Variants in PTPN9 observed in about 807,000 individuals in gnomAD.
The protein encoded by PTPN9 is tyrosine-protein phosphatase non-receptor type 9.
A neutral mutation model predicts 69.8 loss-of-function variants in PTPN9; 26 were observed. The observed-to-expected ratio is 0.37, with a 90% CI of 0.27 to 0.52. PTPN9 has a LOEUF of 0.52. PTPN9 is among the 20% of genes least tolerant of loss of function. PTPN9 has a pLI of 0.91. For synonymous variants in PTPN9, 274 were observed against 272.5 expected (o/e 1.01, Z -0.05); for missense variants, 549 against 740.3 (o/e 0.74, Z 3.00).
In PTPN9 at chr15:75,532,683, A is replaced by G. The variant is rs138201053; in HGVS notation, c.64-5422T>C. ...CCTTGCATGTAGAGTCCAGTGTACT[A>G]TAAACAGTGATGTGATATTTACAGA... On this transcript the variant is annotated intron_variant, in intron 1 of 12. Transcript: ENST00000618819. Among the ~76,000 whole-genome samples, 21 of 152,308 alleles carry G rather than the reference A, an allele frequency of 1.4e-4. No homozygotes were observed. In the East Asian group the frequency reaches 3.9e-3, roughly 28 times the overall value.
chr15:75,529,363 T>G (rs2074945082), intron 1 of PTPN9, among the ~76,000 whole-genome samples: 1 of 152,172 alleles, frequency 6.6e-6, no homozygotes, highest in Non-Finnish European at 1.5e-5. Flanking sequence ...TCCAGAAACT[T>G]TTCTCAGCTG....
intron 1 of PTPN9, among the ~76,000 whole-genome samples, chr15:75,565,185 A>T (rs2075121649): frequency 6.6e-6 from 1 of 151,372 alleles, no homozygotes; most frequent in Non-Finnish European, 1.5e-5. Flanking sequence ...TCCACCTCTG[A>T]AAACCCCTGC....
chr15:75,503,600 G>A (rs1439830063), intron 7 of PTPN9, among the ~76,000 whole-genome samples: 8 of 143,820 alleles, frequency 5.6e-5, no homozygotes, highest in Admixed American at 1.4e-4. Flanking sequence ...AGGTGGGGGG[G>A]TCAGCCCCCC....
chr15:75,505,878 G>A lies in PTPN9; in HGVS notation c.765C>T (p.Asn255=), dbSNP rs146156674. Residue 255 remains asparagine (N), a synonymous_variant, in exon 7 of 13, where the codon AAC becomes AAT. Coordinates refer to ENST00000618819, the MANE Select transcript of PTPN9 (RefSeq NM_002833.4). The stretch of plus-strand genomic sequence containing the variant: ...TCTCATCGAAGGGATCTGGGTGGCC[G>A]TTCACCTGGGGTAGGAACTGGAAAT... ...TWNFQFLPQV[N]GHPDPFDEII... is the part of the protein sequence containing the mutation. 6.9e-5 allele frequency: 112 copies of A among 1,614,110 alleles called. No homozygotes were observed. The highest frequency in any genetic ancestry group is 9.0e-5 in the Non-Finnish European group (106 of 1,180,012).
chr15:75,513,575 T>A lies in PTPN9; in HGVS notation c.528+3684A>T, dbSNP rs530576003. 100 of 356,374 alleles carry A rather than the reference T, an allele frequency of 2.8e-4. 2 individuals carry two copies. The highest frequency in any genetic ancestry group is 2.0e-3 in the South Asian group (94 of 46,690). The allele number at this position is 356,374 out of a possible 1,614,324, so 22.1% of individuals were successfully genotyped here. A position where few individuals can be genotyped will look rare whatever the true frequency, so the allele number is the denominator to read the frequency against. On this transcript the variant is annotated intron_variant, in intron 5 of 12. Coordinates refer to ENST00000618819, the MANE Select transcript of PTPN9 (RefSeq NM_002833.4). Reference sequence around the variant, plus strand: ...TGAGGTCAGGAGTTCGAGACCAGCCTGGCCAACATGGTGAAACCCCATTGC... The same window carrying A: ...TGAGGTCAGGAGTTCGAGACCAGCCAGGCCAACATGGTGAAACCCCATTGC...
At chr15:75,578,674 G>C in intron 1 of PTPN9, 40 bp downstream of exon 1, 1 of 1,347,870 alleles carries the variant, frequency 7.4e-7, no homozygotes, top group Non-Finnish European at 9.6e-7. Flanking sequence ...GGCCTCGGGG[G>C]CCCGGACACA....
intron 6 of PTPN9, among the ~76,000 whole-genome samples, chr15:75,507,923 C>G (rs767569093): frequency 2.7e-5 from 4 of 150,456 alleles, no homozygotes; most frequent in Admixed American, 1.3e-4. Context: ...TGCGCCTGTA[C>G]TCCCAGCTAC....
chr15:75,517,156 T>C (rs868073036), intron 5 of PTPN9, 103 bp downstream of exon 5: 7 of 768,800 alleles, frequency 9.1e-6, no homozygotes, highest in Admixed American at 3.0e-5. Context: ...TTGAACATAA[T>C]GTCTGAAGTT....
intron 8 of PTPN9, chr15:75,480,919 T>C (rs2141292559): frequency 4.3e-6 from 1 of 234,268 alleles, no homozygotes; most frequent in South Asian, 1.8e-4. Flanking sequence ...GGAGTGTCTC[T>C]GCCTGGCCGC....
chr15:75,515,713 C>G (rs557392816), intron 5 of PTPN9, among the ~76,000 whole-genome samples: 3 of 152,094 alleles, frequency 2.0e-5, no homozygotes, highest in Admixed American at 6.5e-5. Context: ...GCCTGGCCAA[C>G]GTGGAGAAAC....
At chr15:75,528,068 G>C (rs115641276) in intron 1 of PTPN9, among the ~76,000 whole-genome samples, 1 of 152,238 alleles carries the variant, frequency 6.6e-6, no homozygotes, top group African/African-American at 2.4e-5. Context: ...CCAATCAAAA[G>C]AGCAGCTATT....
intron 1 of PTPN9, among the ~76,000 whole-genome samples, chr15:75,556,388 A>G (rs1301204248): frequency 6.9e-6 from 1 of 143,980 alleles, no homozygotes; most frequent in Admixed American, 7.1e-5. Flanking sequence ...TTTTATTATT[A>G]TTATTTTGAG....
chr15:75,518,175 C>G (rs1323295732), intron 4 of PTPN9, among the ~76,000 whole-genome samples: 5 of 151,996 alleles, frequency 3.3e-5, no homozygotes. Flanking sequence ...AATTTGAGAC[C>G]AGGCTGGGCA....
intron 7 of PTPN9, among the ~76,000 whole-genome samples, chr15:75,499,444 C>T (rs796875185): frequency 3.0e-4 from 36 of 120,648 alleles, no homozygotes; most frequent in African/African-American, 1.1e-3. Context: ...CTTGCTCTAT[C>T]GCCCAGGCTG....
rs1161097075 is a variant in PTPN9, at chr15:75,579,309, G to A, written c.-533C>T. ...CAGGCTCCTCGCGGGCGGCCGCAGC[G>A]AAAGGGAGGGAGTGGAGAGGGAGCG... On this transcript the variant is annotated 5_prime_UTR_variant, in exon 1 of 13. Transcript: ENST00000618819. 3 of 151,630 alleles carry A rather than the reference G, an allele frequency of 2.0e-5. No individual in the cohort carries two copies. The highest frequency in any genetic ancestry group is 4.8e-5 in the African/African-American group (2 of 41,316). The allele number at this position is 151,630 out of a possible 1,614,324, so 9.4% of individuals were successfully genotyped here. A position where few individuals can be genotyped will look rare whatever the true frequency, so the allele number is the denominator to read the frequency against.
intron 1 of PTPN9, among the ~76,000 whole-genome samples, chr15:75,565,585 A>G (rs997548730): frequency 6.6e-6 from 1 of 152,202 alleles, no homozygotes; most frequent in Non-Finnish European, 1.5e-5. Flanking sequence ...GATATTGACA[A>G]ATGTTCTGGG....
chr15:75,480,194 T>A (rs1326125255), intron 8 of PTPN9, among the ~76,000 whole-genome samples: 1 of 152,064 alleles, frequency 6.6e-6, no homozygotes, highest in East Asian at 1.9e-4. Flanking sequence ...CTATTAAAAC[T>A]CTCAGAATAA....
chr15:75,504,255 G>C (rs1225963759), intron 7 of PTPN9, among the ~76,000 whole-genome samples: 2 of 136,632 alleles, frequency 1.5e-5, no homozygotes, highest in African/African-American at 5.5e-5. Context: ...CCGGGAGGGA[G>C]GTGAGGTCAG....
chr15:75,545,179 G>C (rs1328184498), intron 1 of PTPN9, among the ~76,000 whole-genome samples: 1 of 152,196 alleles, frequency 6.6e-6, no homozygotes, highest in Non-Finnish European at 1.5e-5. Context: ...TGTCAATGGT[G>C]ATGGGCTCTT....
Sources: allele counts gnomAD v4.1 joint callset (sites outside exome capture counted in the v4.1 genomes callset), GRCh38; gene constraint gnomAD v4.1.1; transcripts MANE v1.5; gene names NCBI Gene and HGNC (gene_info 2026-07-23, HGNC 2026-07-21).